ADK: variants seen among roughly 807,000 people sequenced by gnomAD.
ADK encodes N6,N6-dimethyladenosine kinase.
ADK carries 24 observed loss-of-function variants against 44.7 expected under a neutral mutation model. That is an observed-to-expected ratio of 0.54 (90% CI 0.39 to 0.76). The LOEUF (loss-of-function observed/expected upper bound fraction) is 0.76. Ranked by LOEUF, ADK falls within the 30% of genes least tolerant of loss-of-function variation. ADK has a pLI of 0.00. For missense variants in ADK, 321 were observed against 425.1 expected, an observed-to-expected ratio of 0.76 and a Z score of 2.15; for synonymous variants, 128 against 142.6, an observed-to-expected ratio of 0.90 and a Z score of 0.73.
At chr10:74,538,916 C>A (rs1007914765) in intron 7 of ADK, among the ~76,000 whole-genome samples, 1 of 151,948 alleles carries the variant, frequency 6.6e-6, no homozygotes, top group Non-Finnish European at 1.5e-5. Flanking sequence ...AAATAGAAGT[C>A]ATTTGCTCTT....
At chr10:74,405,694 G>T (rs1843897772) in intron 6 of ADK, among the ~76,000 whole-genome samples, 1 of 151,950 alleles carries the variant, frequency 6.6e-6, no homozygotes, top group African/African-American at 2.4e-5. Context: ...GTTTCATCCT[G>T]AAACCACGCC....
intron 9 of ADK, among the ~76,000 whole-genome samples, chr10:74,607,380 T>C (rs1026999738): frequency 5.9e-5 from 9 of 152,208 alleles, no homozygotes; most frequent in Non-Finnish European, 8.8e-5. Context: ...AGTTTTTCCT[T>C]TCCATATTTA....
chr10:74,421,258 A>C (rs186737935), intron 6 of ADK, among the ~76,000 whole-genome samples: 4 of 152,192 alleles, frequency 2.6e-5, no homozygotes, highest in South Asian at 2.1e-4. Context: ...TTTGTTTCTC[A>C]TAACGGTATG....
intron 3 of ADK, among the ~76,000 whole-genome samples, chr10:74,233,453 C>T (rs557689595): frequency 3.3e-5 from 5 of 152,222 alleles, no homozygotes; most frequent in African/African-American, 1.2e-4. Flanking sequence ...TACAGTTCTG[C>T]CCATACCTTT....
chr10:74,416,459 A>G (rs1247678509), intron 6 of ADK, among the ~76,000 whole-genome samples: 2 of 152,060 alleles, frequency 1.3e-5, no homozygotes, highest in African/African-American at 4.8e-5. Flanking sequence ...TAAATCCTAA[A>G]TAGTTGAAGA....
intron 3 of ADK, among the ~76,000 whole-genome samples, chr10:74,236,798 A>G (rs935885226): frequency 1.3e-5 from 2 of 152,252 alleles, no homozygotes; most frequent in Non-Finnish European, 2.9e-5. Flanking sequence ...TCTATTGTAT[A>G]CAATAACATT....
At position 74,394,239 on chromosome 10, in the gene ADK, T is replaced by C. The variant is rs1843434352; in HGVS notation, c.372T>C (p.His124=). The C allele has an allele frequency of 6.2e-7, 1 of 1,614,074 alleles. No homozygotes were observed. The highest frequency in any genetic ancestry group is 8.5e-7 in the Non-Finnish European group (1 of 1,179,958). ...TGAAGAGAAAAGCTGCTGAAGCCCA[T>C]GTGGATGCTCATTACTACGAGCAGA... ...EILKRKAAEA[H]VDAHYYEQNE... is the part of the protein sequence containing the mutation. The change falls in exon 5 of 11, where the codon CAT becomes CAC. Residue 124 remains histidine (H), a synonymous_variant. Transcript: ENST00000539909.
chr10:74,200,156 GT>G (rs760622376), intron 1 of ADK, among the ~76,000 whole-genome samples: 2,271 of 99,216 alleles, frequency 0.023, 10 homozygotes, highest in African/African-American at 0.03. Flanking sequence ...GACACCATCT[GT>G]TTTTTTTTTT....
At chr10:74,596,014 AAAC>A (rs1274769162) in intron 8 of ADK, among the ~76,000 whole-genome samples, 98 of 150,258 alleles carry the variant, frequency 6.5e-4, no homozygotes, top group Non-Finnish European at 1.3e-3. Context: ...AAAAAAAAAA[AAAC>A]CACTGAAATT....
chr10:74,398,446 C>G, intron 5 of ADK, 25 bp from the exon 6 acceptor site: 1 of 1,480,480 alleles, frequency 6.8e-7, no homozygotes, highest in Non-Finnish European at 9.4e-7. Context: ...TATAATATTA[C>G]TTGCTTATTC....
At chr10:74,373,793 G>C (rs540078175) in intron 4 of ADK, among the ~76,000 whole-genome samples, 1 of 152,092 alleles carries the variant, frequency 6.6e-6, no homozygotes. Context: ...CAGCAATTCT[G>C]CTCCTAGGTA....
chr10:74,227,833 ACT>A (rs1844602242), intron 3 of ADK, among the ~76,000 whole-genome samples: 2 of 151,886 alleles, frequency 1.3e-5, no homozygotes, highest in South Asian at 2.1e-4. Flanking sequence ...ACAGGGCGAG[ACT>A]CTGTCTCAAA....
At chr10:74,572,713 T>C (rs1010655099) in intron 7 of ADK, among the ~76,000 whole-genome samples, 2 of 152,174 alleles carry the variant, frequency 1.3e-5, no homozygotes, top group African/African-American at 4.8e-5. Context: ...TTTTTATTCT[T>C]TTTTCTCTAA....
intron 4 of ADK, among the ~76,000 whole-genome samples, chr10:74,360,957 G>A (rs1842316039): frequency 6.6e-6 from 1 of 152,158 alleles, no homozygotes; most frequent in Non-Finnish European, 1.5e-5. Context: ...CCCCATGCTG[G>A]AGTGCAGTGG....
intron 6 of ADK, among the ~76,000 whole-genome samples, chr10:74,437,610 C>T (rs939826195): frequency 2.6e-5 from 4 of 152,108 alleles, no homozygotes; most frequent in African/African-American, 7.2e-5. Flanking sequence ...TATTACAGAC[C>T]ATTAGTATTT....
At chr10:74,671,365 T>C (rs911422379) in intron 10 of ADK, among the ~76,000 whole-genome samples, 6 of 152,074 alleles carry the variant, frequency 3.9e-5, no homozygotes, top group African/African-American at 1.4e-4. Context: ...ACCTGGCTGA[T>C]TTTTGTACTT....
At chr10:74,547,524 C>T (rs1455106535) in intron 7 of ADK, among the ~76,000 whole-genome samples, 1 of 146,370 alleles carries the variant, frequency 6.8e-6, no homozygotes, top group Non-Finnish European at 1.5e-5. Flanking sequence ...GCTCTGTCAC[C>T]AGGCTGGAGT....
intron 3 of ADK, among the ~76,000 whole-genome samples, chr10:74,306,542 T>C (rs1449058572): frequency 2.6e-5 from 4 of 152,230 alleles, no homozygotes; most frequent in African/African-American, 9.6e-5. Flanking sequence ...TTTTACCTCT[T>C]ATTATAACTT....
At chr10:74,494,791 T>C (rs1216387862) in intron 6 of ADK, among the ~76,000 whole-genome samples, 1 of 152,090 alleles carries the variant, frequency 6.6e-6, no homozygotes, top group Non-Finnish European at 1.5e-5. Context: ...GCCTCCCAAA[T>C]AGCTAGGATT....
Sources: allele counts gnomAD v4.1 joint callset (sites outside exome capture counted in the v4.1 genomes callset), GRCh38; gene constraint gnomAD v4.1.1; transcripts MANE v1.5; gene names NCBI Gene and HGNC (gene_info 2026-07-23, HGNC 2026-07-21).